Variants in CNTN4 observed in about 807,000 individuals in gnomAD.
CNTN4 encodes the protein contactin 4.
In CNTN4, 77 loss-of-function variants were observed where a neutral mutation model predicts 122.5. The ratio of observed to expected loss-of-function variants is 0.63; its 90% CI spans 0.52 to 0.76. The LOEUF is 0.76. Ranked by LOEUF, CNTN4 falls within the 30% of genes least tolerant of loss-of-function variation. CNTN4 has a pLI of 0.00. For synonymous variants in CNTN4, 512 were observed against 447.0 expected, an observed-to-expected ratio of 1.15 and a Z score of -1.83; for missense variants, 1,256 against 1,259.1, an observed-to-expected ratio of 1.00 and a Z score of 0.04.
intron 3 of CNTN4, among the ~76,000 whole-genome samples, chr3:2,478,532 A>G (rs541456146): frequency 1.3e-5 from 2 of 151,964 alleles, no homozygotes; most frequent in South Asian, 2.1e-4. Flanking sequence ...CATTACCCAG[A>G]TACTAAGCCC....
intron 14 of CNTN4, among the ~76,000 whole-genome samples, chr3:3,024,120 G>C (rs139229658): frequency 6.6e-6 from 1 of 152,106 alleles, no homozygotes; most frequent in East Asian, 1.9e-4. Context: ...ATCCATGCTT[G>C]GCGGATAAAT....
In CNTN4 at chr3:2,800,163, TA is replaced by T. The variant is rs907856737; in HGVS notation, c.359-19314del. ...TTGGTTCCACATTAATTTTAAGATT[TA>T]AAAAAAAATGAGAAATGACATCGGT... On this transcript the variant is annotated intron_variant, in intron 6 of 24. Coordinates refer to ENST00000418658, the MANE Select transcript of CNTN4 (RefSeq NM_175607.3). Among the ~76,000 whole-genome samples, 27 of 150,860 alleles carry T rather than the reference TA, an allele frequency of 1.8e-4. 1 individual carries two copies. The highest frequency in any genetic ancestry group is 3.4e-4 in the African/African-American group (14 of 41,100).
chr3:2,936,343 A>G (rs145327183), intron 13 of CNTN4, among the ~76,000 whole-genome samples: 255 of 152,330 alleles, frequency 1.7e-3, no homozygotes, highest in African/African-American at 5.9e-3. Context: ...GATGTGTTTT[A>G]GAAAGCAGAG....
chr3:2,764,586 C>G (rs978062200), intron 6 of CNTN4, among the ~76,000 whole-genome samples: 1 of 152,144 alleles, frequency 6.6e-6, no homozygotes, highest in African/African-American at 2.4e-5. Context: ...ACTGAGGCCA[C>G]TATGCTTAAG....
In CNTN4 at chr3:2,672,199, C is replaced by T. The variant is rs536539560; in HGVS notation, c.56-64016C>T. On this transcript the variant is annotated intron_variant, in intron 4 of 24. Coordinates refer to ENST00000418658, the MANE Select transcript of CNTN4 (RefSeq NM_175607.3). ...TCTGCTGCCTTTTGTTTGGCTATGC[C>T]CTGCCCCCAGTGGTGGAGTCTACAG... Among the ~76,000 whole-genome samples, 5 of 152,296 alleles carry T rather than the reference C, an allele frequency of 3.3e-5. No homozygotes were observed. In the East Asian group the frequency reaches 9.7e-4, roughly 29 times the overall value.
chr3:2,496,673 T>G (rs907494561), intron 3 of CNTN4, among the ~76,000 whole-genome samples: 5 of 152,152 alleles, frequency 3.3e-5, no homozygotes, highest in African/African-American at 9.7e-5. Flanking sequence ...AGAGCTGAGA[T>G]GCCTATGTTC....
At chr3:2,892,533 A>G (rs2094055185) in intron 10 of CNTN4, among the ~76,000 whole-genome samples, 1 of 152,248 alleles carries the variant, frequency 6.6e-6, no homozygotes, top group African/African-American at 2.4e-5. Context: ...GGAAAGGGAA[A>G]TATAAAATGT....
At chr3:2,767,117 C>G (rs2090897215) in intron 6 of CNTN4, among the ~76,000 whole-genome samples, 1 of 152,080 alleles carries the variant, frequency 6.6e-6, no homozygotes, top group Non-Finnish European at 1.5e-5. Context: ...ATATACCAGG[C>G]TAATAAGTCA....
intron 8 of CNTN4, among the ~76,000 whole-genome samples, chr3:2,873,136 C>A (rs1236631796): frequency 6.6e-6 from 1 of 152,154 alleles, no homozygotes; most frequent in South Asian, 2.1e-4. Context: ...TAGTCCCAGA[C>A]GTACCAGCAG....
chr3:2,783,619 T>C (rs1376391907), intron 6 of CNTN4, among the ~76,000 whole-genome samples: 1 of 152,364 alleles, frequency 6.6e-6, no homozygotes, highest in East Asian at 1.9e-4. Flanking sequence ...TCTAAACTTT[T>C]CTCTAGAGTA....
At chr3:2,917,030 C>G (rs142838922) in intron 12 of CNTN4, among the ~76,000 whole-genome samples, 1,246 of 104,864 alleles carry the variant, frequency 0.012, 90 homozygotes, top group African/African-American at 0.033. Flanking sequence ...CTGAGTGAAC[C>G]AGACTCCGTC....
At chr3:2,528,822 T>G (rs1310744348) in intron 3 of CNTN4, among the ~76,000 whole-genome samples, 1 of 152,096 alleles carries the variant, frequency 6.6e-6, no homozygotes, top group African/African-American at 2.4e-5. Context: ...TTCTTGATTT[T>G]TTTCACTGAG....
intron 3 of CNTN4, among the ~76,000 whole-genome samples, chr3:2,510,611 G>A (rs1464190354): frequency 3.3e-5 from 5 of 152,102 alleles, no homozygotes; most frequent in Non-Finnish European, 7.4e-5. Context: ...CCATAACCCA[G>A]ACTTGCTTAA....
chr3:2,118,900 G>A (rs2033545644), intron 2 of CNTN4, among the ~76,000 whole-genome samples: 1 of 152,158 alleles, frequency 6.6e-6, no homozygotes, highest in East Asian at 1.9e-4. Context: ...CTTTCATTTT[G>A]CCAGAGAAGA....
chr3:2,786,330 C>T (rs2091827909), intron 6 of CNTN4, among the ~76,000 whole-genome samples: 1 of 152,190 alleles, frequency 6.6e-6, no homozygotes, highest in African/African-American at 2.4e-5. Context: ...CACTGTAACA[C>T]ATACCTTCCG....
At chr3:2,396,764 A>T (rs1256338343) in intron 3 of CNTN4, among the ~76,000 whole-genome samples, 1 of 151,822 alleles carries the variant, frequency 6.6e-6, no homozygotes, top group East Asian at 1.9e-4. Context: ...CTAAGGCTGT[A>T]ATTTGGTTCC....
At chr3:2,889,052 G>A (rs79452719) in intron 10 of CNTN4, among the ~76,000 whole-genome samples, 3,088 of 144,584 alleles carry the variant, frequency 0.021, 101 homozygotes, top group African/African-American at 0.084. Context: ...AGGGAAAAAG[G>A]AAGGAAGGAA....
intron 3 of CNTN4, among the ~76,000 whole-genome samples, chr3:2,527,131 T>C (rs1428629897): frequency 2.0e-5 from 3 of 152,312 alleles, no homozygotes; most frequent in South Asian, 2.1e-4. Flanking sequence ...TTAGTGCTTT[T>C]TCTGAGACAC....
At chr3:2,551,571 G>C (rs2078507378) in intron 3 of CNTN4, among the ~76,000 whole-genome samples, 1 of 151,842 alleles carries the variant, frequency 6.6e-6, no homozygotes, top group South Asian at 2.1e-4. Flanking sequence ...GATCATGAAA[G>C]GATTTTTGAA....
Sources: gnomAD v4.1 joint callset for allele counts (sites outside exome capture counted in the v4.1 genomes callset) on GRCh38, gnomAD v4.1.1 for gene constraint, MANE v1.5 for transcripts, NCBI Gene and HGNC (gene_info 2026-07-23, HGNC 2026-07-21) for gene names.